Variants in ENOX2 observed in about 807,000 individuals in gnomAD.
ENOX2 encodes ecto-NOX disulfide-thiol exchanger 2, also known as APK1 antigen.
Under a neutral mutation model 45.0 loss-of-function variants are expected in ENOX2, and 36 were observed. That is an observed-to-expected ratio of 0.80 (90% CI 0.61 to 1.06). The LOEUF (loss-of-function observed/expected upper bound fraction) is 1.06, where lower values mean the gene tolerates loss of function less well. ENOX2 is among the 50% of genes least tolerant of loss of function. The probability of loss-of-function intolerance (pLI) is 0.00; values close to 1 mark genes in which losing one functional copy is unlikely to be tolerated. For synonymous variants in ENOX2, 174 were observed against 152.3 expected, an observed-to-expected ratio of 1.14 and a Z score of -1.05; for missense variants, 423 against 462.5, an observed-to-expected ratio of 0.91 and a Z score of 0.78.
intron 3 of ENOX2, among the ~76,000 whole-genome samples, chrX:130,758,978 T>C (rs953939877): frequency 1.3e-4 from 15 of 111,740 alleles, no homozygotes; most frequent in African/African-American, 4.6e-4. Flanking sequence ...TTGTTGGATA[T>C]GTGGTTTACA....
intron 9 of ENOX2, among the ~76,000 whole-genome samples, chrX:130,663,148 T>A (rs1407796777): frequency 8.9e-6 from 1 of 112,520 alleles, no homozygotes; most frequent in Non-Finnish European, 1.9e-5. Flanking sequence ...TGGCAAAAAC[T>A]GCAATTACTT....
chrX:130,807,198 A>C (rs985168539), intron 2 of ENOX2, among the ~76,000 whole-genome samples: 2 of 112,382 alleles, frequency 1.8e-5, no homozygotes, highest in Admixed American at 9.4e-5. Flanking sequence ...CATGAGCTGA[A>C]AGAATAAGAT....
intron 3 of ENOX2, among the ~76,000 whole-genome samples, chrX:130,745,787 A>G (rs1232676071): frequency 8.9e-6 from 1 of 111,964 alleles, no homozygotes; most frequent in Non-Finnish European, 1.9e-5. Context: ...CAATGCAGTG[A>G]ATTTCCTGAC....
Position 130,796,997 on chromosome X carries a change from G to A in ENOX2, c.-182-13307C>T, listed in dbSNP as rs770152640. ...GACAAACAATTGACAGAGCAAATCA[G>A]GGCTCCTAGAAGATTGCAAAGTGAT... is the stretch of plus-strand genomic sequence containing the variant. On this transcript the variant is annotated intron_variant, in intron 2 of 14. Coordinates refer to ENST00000394363, the MANE Select transcript of ENOX2 (RefSeq NM_006375.4). 1.1e-4 allele frequency among the ~76,000 whole-genome samples: 12 copies of A among 112,031 alleles called. No individual in the cohort carries two copies. The South Asian group carries it at 2.6e-3, about 25-fold the overall frequency.
chrX:130,853,483 AAAAG>A (rs1420628555), intron 2 of ENOX2, among the ~76,000 whole-genome samples: 9 of 107,781 alleles, frequency 8.4e-5, no homozygotes, highest in African/African-American at 2.7e-4. Flanking sequence ...AAAAAAAAAA[AAAAG>A]AAAGAAAGCC....
chrX:130,859,298 C>T (rs1396218809), intron 2 of ENOX2, among the ~76,000 whole-genome samples: 1 of 112,062 alleles, frequency 8.9e-6, no homozygotes, highest in Non-Finnish European at 1.9e-5. Context: ...TGCCATTGCA[C>T]TCCAGCCTGG....
intron 2 of ENOX2, among the ~76,000 whole-genome samples, chrX:130,854,323 A>C (rs935936617): frequency 2.7e-5 from 3 of 112,092 alleles, no homozygotes; most frequent in Non-Finnish European, 5.6e-5. Flanking sequence ...GAATCAGTGG[A>C]CTTGAAGATA....
intron 2 of ENOX2, among the ~76,000 whole-genome samples, chrX:130,891,400 A>G (rs1455459074): frequency 6.6e-5 from 7 of 105,311 alleles, no homozygotes; most frequent in African/African-American, 2.4e-4. Flanking sequence ...AATGACAGTG[A>G]TCTAGTATAG....
intron 2 of ENOX2, among the ~76,000 whole-genome samples, chrX:130,890,360 TAA>T (rs1198335448): frequency 8.1e-5 from 9 of 111,477 alleles, no homozygotes; most frequent in African/African-American, 2.9e-4. Flanking sequence ...ATGTAAGCAC[TAA>T]TGGTTCCCTA....
At chrX:130,902,261 G>C (rs189086095) in intron 1 of ENOX2, among the ~76,000 whole-genome samples, 204 of 111,707 alleles carry the variant, frequency 1.8e-3, no homozygotes, top group Non-Finnish European at 2.8e-3. Context: ...CTAAATGTTT[G>C]TCAACATTAG....
intron 4 of ENOX2, among the ~76,000 whole-genome samples, chrX:130,702,689 T>C (rs1408426354): frequency 9.0e-6 from 1 of 111,664 alleles, no homozygotes; most frequent in East Asian, 2.8e-4. Flanking sequence ...AGTTCTTCAA[T>C]GTTAAAAAGA....
intron 10 of ENOX2, among the ~76,000 whole-genome samples, chrX:130,654,625 C>T (rs1315688517): frequency 1.8e-5 from 2 of 111,720 alleles, no homozygotes; most frequent in African/African-American, 3.3e-5. Flanking sequence ...TAGATACAAT[C>T]GAGGGGAAGA....
intron 6 of ENOX2, among the ~76,000 whole-genome samples, chrX:130,677,363 G>A (rs952729026): frequency 3.6e-5 from 4 of 112,002 alleles, no homozygotes; most frequent in African/African-American, 1.3e-4. Context: ...TCATTAAGGG[G>A]AAGAACTAGG....
chrX:130,693,264 T>C (rs1298824229), intron 4 of ENOX2, among the ~76,000 whole-genome samples: 1 of 112,375 alleles, frequency 8.9e-6, no homozygotes, highest in Non-Finnish European at 1.9e-5. Context: ...TATACTCTAG[T>C]TTGGAAACAA....
intron 5 of ENOX2, among the ~76,000 whole-genome samples, chrX:130,682,280 T>C (rs2037323748): frequency 9.1e-6 from 1 of 110,016 alleles, no homozygotes. Flanking sequence ...GGCAGTTACA[T>C]GTAACACTGA....
intron 2 of ENOX2, among the ~76,000 whole-genome samples, chrX:130,849,148 C>T (rs2078162767): frequency 8.9e-6 from 1 of 112,639 alleles, no homozygotes; most frequent in Non-Finnish European, 1.9e-5. Context: ...ATTTTTAGTA[C>T]AACTTATATT....
intron 2 of ENOX2, among the ~76,000 whole-genome samples, chrX:130,786,571 A>C (rs1402209586): frequency 1.3e-5 from 1 of 77,521 alleles, no homozygotes; most frequent in African/African-American, 4.9e-5. Flanking sequence ...ACCCCACCAC[A>C]GTCCCCAGAG....
At chrX:130,739,123 C>T (rs753508189) in intron 3 of ENOX2, among the ~76,000 whole-genome samples, 19 of 112,354 alleles carry the variant, frequency 1.7e-4, no homozygotes, top group Non-Finnish European at 3.2e-4. Context: ...TTTGACTTTA[C>T]GATATTGTGA....
chrX:130,717,794 G>C (rs990988618), intron 3 of ENOX2, among the ~76,000 whole-genome samples: 2 of 111,510 alleles, frequency 1.8e-5, no homozygotes, highest in Non-Finnish European at 3.8e-5. Flanking sequence ...TGCAGTTTAA[G>C]AAAAAGAATA....
Sources: allele counts gnomAD v4.1 joint callset (sites outside exome capture counted in the v4.1 genomes callset), GRCh38; gene constraint gnomAD v4.1.1; transcripts MANE v1.5; gene names NCBI Gene and HGNC (gene_info 2026-07-23, HGNC 2026-07-21).